ANO6: variants seen among roughly 807,000 people sequenced by gnomAD.
ANO6 encodes anoctamin-6.
ANO6 carries 106 observed loss-of-function variants against 117.5 expected under a neutral mutation model. The ratio of observed to expected loss-of-function variants is 0.90; its 90% CI spans 0.77 to 1.06. The LOEUF is 1.06. Ranked by LOEUF, ANO6 falls within the 50% of genes least tolerant of loss-of-function variation. The pLI is 0.00. For synonymous variants in ANO6, 367 were observed against 385.1 expected (o/e 0.95, Z 0.55); for missense variants, 955 against 1,121.1 (o/e 0.85, Z 2.12).
intron 1 of ANO6, among the ~76,000 whole-genome samples, chr12:45,255,251 G>A (rs1937768091): frequency 6.6e-6 from 1 of 152,174 alleles, no homozygotes; most frequent in Non-Finnish European, 1.5e-5. Context: ...GTCATCATTA[G>A]CGCATGCTCC....
At chr12:45,380,130 AAT>A (rs57554325) in intron 10 of ANO6, among the ~76,000 whole-genome samples, 2,028 of 152,284 alleles carry the variant, frequency 0.013, 37 homozygotes, top group African/African-American at 0.047. Flanking sequence ...AACCTTTTGT[AAT>A]CAATATAATA....
At chr12:45,374,806 C>T (rs1330295799) in intron 9 of ANO6, among the ~76,000 whole-genome samples, 1 of 152,116 alleles carries the variant, frequency 6.6e-6, no homozygotes, top group Non-Finnish European at 1.5e-5. Context: ...GACAGGGATG[C>T]CCTGTCTCAC....
rs542473695 is a variant in ANO6, at chr12:45,422,739, A to G, written c.2421-218A>G. ...CAAGCACGTGCTACCACACCTGGCT[A>G]ATTTTTGTATTTTTAGTAGAGACGG... On this transcript the variant is annotated intron_variant, in intron 18 of 19. Transcript: ENST00000320560. Among the ~76,000 whole-genome samples the G allele has an allele frequency of 8.5e-5, 13 of 152,064 alleles. No homozygotes were observed. The East Asian group carries it at 2.1e-3, about 25-fold the overall frequency.
intron 1 of ANO6, among the ~76,000 whole-genome samples, chr12:45,276,305 C>T (rs1196588801): frequency 1.3e-5 from 2 of 152,296 alleles, no homozygotes; most frequent in East Asian, 1.9e-4. Context: ...GTCGTTTCCA[C>T]TCCTGCCACA....
intron 1 of ANO6, among the ~76,000 whole-genome samples, chr12:45,263,344 A>G (rs916283692): frequency 1.0e-4 from 15 of 147,654 alleles, no homozygotes; most frequent in Admixed American, 8.2e-4. Flanking sequence ...AGCTGGGACT[A>G]CAACCATCAT....
chr12:45,302,871 T>G (rs1939542176), intron 2 of ANO6, among the ~76,000 whole-genome samples: 1 of 152,208 alleles, frequency 6.6e-6, no homozygotes, highest in Non-Finnish European at 1.5e-5. Context: ...TTTCCTGATT[T>G]TTGTCCCTGC....
intron 1 of ANO6, among the ~76,000 whole-genome samples, chr12:45,225,855 G>T (rs1947474784): frequency 6.6e-6 from 1 of 152,172 alleles, no homozygotes; most frequent in Non-Finnish European, 1.5e-5. Flanking sequence ...CTGGGTCTGT[G>T]CAAGAGTAGT....
At chr12:45,224,470 A>G (rs1432863460) in intron 1 of ANO6, among the ~76,000 whole-genome samples, 1 of 152,184 alleles carries the variant, frequency 6.6e-6, no homozygotes, top group African/African-American at 2.4e-5. Context: ...CAAGGAGATG[A>G]CAGCTAAAAA....
intron 10 of ANO6, among the ~76,000 whole-genome samples, chr12:45,380,421 C>G (rs1942138988): frequency 6.6e-6 from 1 of 152,232 alleles, no homozygotes. Context: ...ATCTGGCTCA[C>G]TAAGGATCTG....
intron 1 of ANO6, among the ~76,000 whole-genome samples, chr12:45,222,239 CA>C (rs1313834121): frequency 1.3e-5 from 2 of 152,182 alleles, no homozygotes; most frequent in Middle Eastern, 3.4e-3. Context: ...CAGCTCACTG[CA>C]ACCTCCGCCT....
At chr12:45,434,006 A>G (rs1489515358), downstream of ANO6, among the ~76,000 whole-genome samples, 1 of 152,226 alleles carries the variant, frequency 6.6e-6, no homozygotes, top group Non-Finnish European at 1.5e-5. Flanking sequence ...CATTCCCGAA[A>G]ACAGTTCAGC....
chr12:45,273,721 A>G (rs1333759431), intron 1 of ANO6, among the ~76,000 whole-genome samples: 1 of 152,138 alleles, frequency 6.6e-6, no homozygotes, highest in Non-Finnish European at 1.5e-5. Context: ...ACGCCTCCCC[A>G]TTAGAGCCAT....
intron 11 of ANO6, 40 bp from the exon 12 acceptor site, chr12:45,390,381 A>G (rs765466614): frequency 2.1e-6 from 3 of 1,426,818 alleles, no homozygotes; most frequent in Non-Finnish European, 3.0e-6. Flanking sequence ...TTATTACAGT[A>G]ATCCCTTGAT....
Position 45,331,398 on chromosome 12 carries a change from A to G in ANO6, c.254A>G (p.Lys85Arg), listed in dbSNP as rs756221549. The change falls in exon 3 of 20, where the codon AAA becomes AGA. Residue 85 changes from lysine (K) to arginine (R), a missense_variant. Lys to Arg is a conservative substitution (Grantham distance 26, BLOSUM62 2). Transcript: ENST00000320560. ...YEDESRKETN[K>R]KGTNEKQRRK... ...GATGAAAGCAGAAAAGAGACCAATA[A>G]AAAGGGTACAAATGAAAAACAAAGG... 2 of 1,606,714 alleles carry G rather than the reference A, an allele frequency of 1.2e-6. No individual in the cohort carries two copies. Among genetic ancestry groups the G allele is most frequent in the Non-Finnish European group, 1.7e-6 (2 of 1,176,226 alleles).
chr12:45,252,120 T>C (rs1937642599), intron 1 of ANO6, among the ~76,000 whole-genome samples: 1 of 152,336 alleles, frequency 6.6e-6, no homozygotes, highest in East Asian at 1.9e-4. Context: ...GGGCACAGGA[T>C]GTTTTTCAGC....
intron 1 of ANO6, among the ~76,000 whole-genome samples, chr12:45,278,334 T>A (rs1938616940): frequency 6.6e-6 from 1 of 152,230 alleles, no homozygotes; most frequent in East Asian, 1.9e-4. Context: ...CTTTAATTCC[T>A]AATCCTTTTC....
rs1399073275 is a variant in ANO6, at chr12:45,222,603, TCAGAAG to T, written c.70+6222_70+6227del. On this transcript the variant is annotated intron_variant, in intron 1 of 19. Transcript: ENST00000320560. ...CTATAATGTTGGGGTGCTTTAGGCC[TCAGAAG>T]CAGAAGCAGGCCTCAGAAAACAATC... Among the ~76,000 whole-genome samples the T allele has an allele frequency of 2.0e-5, 3 of 152,246 alleles. No homozygotes were observed. The East Asian group carries it at 5.8e-4, about 29-fold the overall frequency.
intron 1 of ANO6, among the ~76,000 whole-genome samples, chr12:45,255,272 G>A (rs1937769265): frequency 6.6e-6 from 1 of 152,106 alleles, no homozygotes; most frequent in Non-Finnish European, 1.5e-5. Context: ...CTCTGCCTTG[G>A]AATTTTTTTC....
chr12:45,363,047 G>A (rs1383249609), intron 8 of ANO6, among the ~76,000 whole-genome samples: 2 of 151,918 alleles, frequency 1.3e-5, no homozygotes, highest in Admixed American at 1.3e-4. Context: ...TAAGCCTGAA[G>A]GACTCTCTTA....
Sources: gnomAD v4.1 joint callset for allele counts (sites outside exome capture counted in the v4.1 genomes callset) on GRCh38, gnomAD v4.1.1 for gene constraint, MANE v1.5 for transcripts, NCBI Gene and HGNC (gene_info 2026-07-23, HGNC 2026-07-21) for gene names.